Variants in TYW1B observed in about 807,000 individuals in gnomAD.
TYW1B encodes tRNA-yW synthesizing protein 1 homolog B.
A neutral mutation model predicts 86.9 loss-of-function variants in TYW1B; 73 were observed. The ratio of observed to expected loss-of-function variants is 0.84; its 90% confidence interval spans 0.70 to 1.02. TYW1B has a LOEUF of 1.02. Among genes scored for constraint, TYW1B ranks in the 50% least tolerant of loss-of-function variants. The pLI, the probability that TYW1B is intolerant of heterozygous loss-of-function variation, is 0.00. For synonymous variants in TYW1B, 248 were observed against 292.8 expected, an observed-to-expected ratio of 0.85 and a Z score of 1.56; for missense variants, 637 against 827.4, an observed-to-expected ratio of 0.77 and a Z score of 2.82.
At chr7:72,621,037 C>T (rs1398319189) in intron 12 of TYW1B, among the ~76,000 whole-genome samples, 2 of 152,108 alleles carry the variant, frequency 1.3e-5, no homozygotes, top group African/African-American at 2.4e-5. Context: ...TGGGGGCTGC[C>T]ATACTGTGGC....
chr7:72,818,494 G>A (rs552717451), intron 2 of TYW1B, among the ~76,000 whole-genome samples: 16 of 144,238 alleles, frequency 1.1e-4, no homozygotes, highest in East Asian at 1.0e-3. Context: ...TGGAAGGATC[G>A]CTTGAGCCTG....
At chr7:72,719,260 G>A (rs565985807) in intron 9 of TYW1B, among the ~76,000 whole-genome samples, 9 of 151,702 alleles carry the variant, frequency 5.9e-5, no homozygotes, top group Non-Finnish European at 1.0e-4. Context: ...TGACCCTCCC[G>A]CCTCTGCCTC....
chr7:72,761,252 A>G (rs181702364), intron 7 of TYW1B, among the ~76,000 whole-genome samples: 279 of 152,294 alleles, frequency 1.8e-3, no homozygotes, highest in Middle Eastern at 6.8e-3. Context: ...GTTCTCATCT[A>G]TAAAACAGTT....
At chr7:72,657,280 T>G (rs1455557463) in intron 11 of TYW1B, among the ~76,000 whole-genome samples, 1 of 152,118 alleles carries the variant, frequency 6.6e-6, no homozygotes, top group Non-Finnish European at 1.5e-5. Context: ...GACAAGGCTT[T>G]TGAAACAACT....
chr7:72,594,480 C>A (rs1211778827), intron 13 of TYW1B, among the ~76,000 whole-genome samples: 3 of 152,144 alleles, frequency 2.0e-5, no homozygotes, highest in Non-Finnish European at 4.4e-5. Context: ...TCTGATTAGA[C>A]TCATAACTAT....
At chr7:72,806,360 C>T (rs1360632790) in intron 5 of TYW1B, among the ~76,000 whole-genome samples, 9 of 151,444 alleles carry the variant, frequency 5.9e-5, no homozygotes, top group South Asian at 2.1e-4. Flanking sequence ...CTCAGCCTCC[C>T]GAGTAGCTGG....
At chr7:72,772,506 A>AG (rs1787885489) in intron 7 of TYW1B, among the ~76,000 whole-genome samples, 1 of 152,068 alleles carries the variant, frequency 6.6e-6, no homozygotes, top group Admixed American at 6.6e-5. Flanking sequence ...AGAAAAATCC[A>AG]ATTCTAGGAA....
At chr7:72,749,581 C>G (rs1398159216) in intron 7 of TYW1B, among the ~76,000 whole-genome samples, 1 of 151,488 alleles carries the variant, frequency 6.6e-6, no homozygotes, top group Non-Finnish European at 1.5e-5. Context: ...CGTGAGCCGC[C>G]GCACCCAGCC....
In TYW1B at chr7:72,815,500, A is replaced by G. The variant is rs782050283; in HGVS notation, c.136-19T>C. The G allele has an allele frequency of 4.4e-6, 7 of 1,596,570 alleles. No individual in the cohort carries two copies. The highest frequency in any genetic ancestry group is 6.0e-6 in the Non-Finnish European group (7 of 1,174,848). ...CAAATCCCTAATAGGACAAAAAAAA[A>G]CTTCAAATAAAGTCTTCAATGAGCC... On this transcript the variant is annotated intron_variant, in intron 2 of 13. Coordinates refer to ENST00000620995, the MANE Select transcript of TYW1B (RefSeq NM_001145440.3).
intron 10 of TYW1B, among the ~76,000 whole-genome samples, chr7:72,703,980 C>CT (rs1419946580): frequency 3.5e-3 from 2 of 572 alleles, no homozygotes; most frequent in East Asian, 0.25. Flanking sequence ...CTTCAATACT[C>CT]TACTAATTTT....
At chr7:72,767,827 T>C (rs2129571830) in intron 7 of TYW1B, among the ~76,000 whole-genome samples, 1 of 152,254 alleles carries the variant, frequency 6.6e-6, no homozygotes, top group South Asian at 2.1e-4. Flanking sequence ...TTGACAAAAG[T>C]CTTCAACAAA....
chr7:72,644,018 C>G (rs1416664541), intron 11 of TYW1B, among the ~76,000 whole-genome samples: 1 of 151,974 alleles, frequency 6.6e-6, no homozygotes, highest in Non-Finnish European at 1.5e-5. Context: ...AAAAGAATCC[C>G]AAGATACACA....
chr7:72,680,888 A>G (rs1554448365), intron 11 of TYW1B, among the ~76,000 whole-genome samples: 2 of 152,224 alleles, frequency 1.3e-5, no homozygotes, highest in Non-Finnish European at 2.9e-5. Flanking sequence ...CTATAGTTAC[A>G]GTGGTACTTA....
intron 8 of TYW1B, among the ~76,000 whole-genome samples, chr7:72,740,875 T>C (rs1195817205): frequency 6.6e-6 from 1 of 151,668 alleles, no homozygotes; most frequent in African/African-American, 2.4e-5. Flanking sequence ...GGACTACAGG[T>C]GCCCACCACC....
At chr7:72,622,972 A>C (rs1236422737) in intron 12 of TYW1B, among the ~76,000 whole-genome samples, 1 of 152,264 alleles carries the variant, frequency 6.6e-6, no homozygotes, top group Non-Finnish European at 1.5e-5. Context: ...TCTATGACCA[A>C]AGTTAAGATG....
intron 7 of TYW1B, among the ~76,000 whole-genome samples, chr7:72,767,483 G>T (rs192117046): frequency 6.6e-6 from 1 of 151,614 alleles, no homozygotes; most frequent in Non-Finnish European, 1.5e-5. Flanking sequence ...GGTGGCGGGC[G>T]CCTGTAGTCC....
intron 11 of TYW1B, among the ~76,000 whole-genome samples, chr7:72,655,996 G>A (rs1189460014): frequency 6.6e-6 from 1 of 152,162 alleles, no homozygotes; most frequent in African/African-American, 2.4e-5. Context: ...ACTATTGCAT[G>A]AGCATGCCAC....
chr7:72,677,603 C>T (rs1686817637), intron 11 of TYW1B, among the ~76,000 whole-genome samples: 1 of 152,198 alleles, frequency 6.6e-6, no homozygotes, highest in South Asian at 2.1e-4. Context: ...TTGACAGCTT[C>T]CGCTTCCTGG....
chr7:72,642,450 C>G (rs1812823482), intron 11 of TYW1B, among the ~76,000 whole-genome samples: 1 of 152,190 alleles, frequency 6.6e-6, no homozygotes. Flanking sequence ...TAAGTGTGAA[C>G]TGAAACATAT....
Sources: gnomAD v4.1 joint callset for allele counts (sites outside exome capture counted in the v4.1 genomes callset) on GRCh38, gnomAD v4.1.1 for gene constraint, MANE v1.5 for transcripts, NCBI Gene and HGNC (gene_info 2026-07-23, HGNC 2026-07-21) for gene names.